Variants in TUBA1B observed in about 807,000 individuals in gnomAD.
TUBA1B encodes the protein tubulin alpha-1B chain.
In TUBA1B, 1 loss-of-function variant was observed where a neutral mutation model predicts 34.4. The ratio of observed to expected loss-of-function variants is 0.03; its 90% confidence interval spans 0.01 to 0.14. TUBA1B has a LOEUF of 0.14. TUBA1B is among the 10% of genes least tolerant of loss of function. TUBA1B has a pLI of 1.00. For missense variants in TUBA1B, 54 were observed against 583.6 expected, an observed-to-expected ratio of 0.09 and a Z score of 9.35; for synonymous variants, 197 against 212.5, an observed-to-expected ratio of 0.93 and a Z score of 0.64.
chr12:49,129,767 A>C, intron 1 of TUBA1B, 45 bp from the exon 2 acceptor site: 1 of 1,612,976 alleles, frequency 6.2e-7, no homozygotes, highest in Non-Finnish European at 8.5e-7. Context: ...CAATCTATTG[A>C]TGACTGTCAA....
At chr12:49,130,966 C>T (rs953903286) in intron 1 of TUBA1B, 1 of 268,908 alleles carries the variant, frequency 3.7e-6, no homozygotes, top group Non-Finnish European at 7.4e-6. Flanking sequence ...AGGGCATGCG[C>T]TGGAAAGGAC....
At chr12:49,131,208 C>T in intron 1 of TUBA1B, 90 bp downstream of exon 1, 1 of 1,514,984 alleles carries the variant, frequency 6.6e-7, no homozygotes, top group Non-Finnish European at 9.0e-7. Flanking sequence ...GAGGCCAGCC[C>T]TTCCCGGCTG....
In TUBA1B at chr12:49,131,363, C is replaced by T. The variant is rs1377694436; in HGVS notation, c.-63G>A. On this transcript the variant is annotated 5_prime_UTR_variant, in exon 1 of 4. Transcript: ENST00000336023. ...GACACCGGGTCCCGGTTACCGTCCC[C>T]GACAAGCTAAGAGTCGAGGTAAGTA... 5.0e-6 allele frequency: 8 copies of T among 1,595,162 alleles called. No individual in the cohort carries two copies. Among genetic ancestry groups the T allele is most frequent in the Non-Finnish European group, 6.8e-6 (8 of 1,168,752 alleles).
rs375929460 is a variant in TUBA1B at position 49,129,733 on chromosome 12, G to T, written c.4-11C>A. 2,077 of 1,594,814 alleles carry T rather than the reference G, an allele frequency of 1.3e-3. 5 individuals carry two copies. The highest frequency in any genetic ancestry group is 1.7e-3 in the Non-Finnish European group (1,980 of 1,171,866). On this transcript the variant is annotated splice_polypyrimidine_tract_variant and intron_variant, in intron 1 of 3. Transcript: ENST00000336023. Reference sequence around the variant, plus strand: ...GGAGATGCACTCACGCTGCGGGAAGGAAAAAAGATATCACAATTTAAACCA... The same window carrying T: ...GGAGATGCACTCACGCTGCGGGAAGTAAAAAAGATATCACAATTTAAACCA...
At position 49,127,811 on chromosome 12, in the gene TUBA1B, A is replaced by G; in HGVS notation, c.*147T>C. On this transcript the variant is annotated 3_prime_UTR_variant, in exon 4 of 4. Transcript: ENST00000336023. The stretch of plus-strand genomic sequence containing the variant: ...GATGTTAATGACTTTACTTTGAGAT[A>G]TGATGGAAAAATATTACAGGTACAC... 1 of 1,285,544 alleles carries G rather than the reference A, an allele frequency of 7.8e-7. No homozygotes were observed. Among genetic ancestry groups the G allele is most frequent in the Non-Finnish European group, 1.1e-6 (1 of 929,512 alleles). The allele number at this position is 1,285,544 out of a possible 1,614,324, so 79.6% of individuals were successfully genotyped here.
intron 1 of TUBA1B, chr12:49,130,630 G>A: frequency 2.9e-6 from 1 of 344,518 alleles, no homozygotes; most frequent in South Asian, 2.2e-5. Context: ...GAGACAGGTG[G>A]CCTCTACAGA....
intron 1 of TUBA1B, chr12:49,130,510 C>T (rs1941791136): frequency 2.4e-6 from 1 of 419,306 alleles, no homozygotes; most frequent in Non-Finnish European, 4.4e-6. Flanking sequence ...GCAGTCTGAG[C>T]GCAGTAGGAG....
In TUBA1B at chr12:49,131,351, G is replaced by C; in HGVS notation, c.-51C>G. The stretch of plus-strand genomic sequence containing the variant: ...GCGACAGGAGCAGACACCGGGTCCC[G>C]GTTACCGTCCCCGACAAGCTAAGAG... On this transcript the variant is annotated 5_prime_UTR_variant, in exon 1 of 4. Transcript: ENST00000336023. The C allele has an allele frequency of 2.5e-6, 4 of 1,605,308 alleles. No homozygotes were observed. The highest frequency in any genetic ancestry group is 3.4e-6 in the Non-Finnish European group (4 of 1,175,634).
intron 1 of TUBA1B, chr12:49,129,937 A>C: frequency 9.6e-7 from 1 of 1,038,250 alleles, no homozygotes; most frequent in African/African-American, 1.6e-5. Context: ...CAGACCACCA[A>C]GCTGGCTAAT....
At position 49,127,786 on chromosome 12, in the gene TUBA1B, G is replaced by A; in HGVS notation, c.*172C>T. 1 of 1,058,374 alleles carries A rather than the reference G, an allele frequency of 9.4e-7. No homozygotes were observed. Among genetic ancestry groups the A allele is most frequent in the Non-Finnish European group, 1.4e-6 (1 of 737,032 alleles). 65.6% of individuals were successfully genotyped at this position (1,058,374 alleles called of 1,614,324 possible). A position where few individuals can be genotyped will look rare whatever the true frequency, so the allele number is the denominator to read the frequency against. On this transcript the variant is annotated 3_prime_UTR_variant, in exon 4 of 4. Transcript: ENST00000336023. ...AAAAAACGCAGGAAACAAAGCTTTT[G>A]ATGTTAATGACTTTACTTTGAGATA...
intron 2 of TUBA1B, 26 bp from the exon 3 acceptor site, chr12:49,129,416 G>T (rs1170832374): frequency 6.2e-7 from 1 of 1,614,056 alleles, no homozygotes; most frequent in South Asian, 1.1e-5. Context: ...AAGGACGGAG[G>T]GAGTGAGTGA....
Position 49,131,097 on chromosome 12 carries a change from C to T in TUBA1B, c.3+201G>A, listed in dbSNP as rs1469721103. On this transcript the variant is annotated intron_variant, in intron 1 of 3. Transcript: ENST00000336023. ...AGAGTCCGAGAAGAAATCCTGGCGCCCCTCGACCTTTCCGGGCCCCCGCTA... is the reference window on the plus strand; with the variant it reads ...AGAGTCCGAGAAGAAATCCTGGCGCTCCTCGACCTTTCCGGGCCCCCGCTA... 8 of 567,784 alleles carry T rather than the reference C, an allele frequency of 1.4e-5. No homozygotes were observed. In the African/African-American group the frequency reaches 1.5e-4, roughly 11 times the overall value. 35.2% of individuals were successfully genotyped at this position (567,784 alleles called of 1,614,324 possible).
At chr12:49,129,954 AT>A in intron 1 of TUBA1B, 39 of 1,032,264 alleles carry the variant, frequency 3.8e-5, no homozygotes, top group Middle Eastern at 3.3e-4. Flanking sequence ...TAATTTTTTC[AT>A]TTTTTTTGTG....
intron 1 of TUBA1B, 174 bp from the exon 2 acceptor site, chr12:49,129,896 T>C: frequency 8.2e-7 from 1 of 1,221,724 alleles, no homozygotes; most frequent in Non-Finnish European, 1.1e-6. Flanking sequence ...TCCCCCCACC[T>C]CAGCCTCTGG....
At position 49,131,335 on chromosome 12, in the gene TUBA1B, G is replaced by A. The variant is rs762402414; in HGVS notation, c.-35C>T. On this transcript the variant is annotated 5_prime_UTR_variant, in exon 1 of 4. Transcript: ENST00000336023. ...GGATTAGGAGGCGAAGGCGACAGGA[G>A]CAGACACCGGGTCCCGGTTACCGTC... 2 of 1,610,010 alleles carry A rather than the reference G, an allele frequency of 1.2e-6. No homozygotes were observed. Among genetic ancestry groups the A allele is most frequent in the Non-Finnish European group, 1.7e-6 (2 of 1,178,302 alleles).
intron 1 of TUBA1B, chr12:49,130,215 T>G (rs527395351): frequency 7.8e-7 from 1 of 1,280,550 alleles, no homozygotes; most frequent in Non-Finnish European, 1.0e-6. Flanking sequence ...TGGGCATCCA[T>G]CCAGCGCTCA....
At chr12:49,131,076 T>C in intron 1 of TUBA1B, 2 of 520,640 alleles carry the variant, frequency 3.8e-6, no homozygotes, top group Non-Finnish European at 3.5e-6. Flanking sequence ...CCTTCCAGAG[T>C]CCGAGAAGAA....
rs770358089 is a variant in TUBA1B at position 49,129,237 on chromosome 12, C to T, written c.375+5G>A. ...ATTAAATGCATATTTATATGTGGTGCTTACCAGCTTGCGAATTCGGTCCAA... is the reference window on the plus strand; with the variant it reads ...ATTAAATGCATATTTATATGTGGTGTTTACCAGCTTGCGAATTCGGTCCAA... On this transcript the variant is annotated splice_donor_5th_base_variant and intron_variant, in intron 3 of 3. Transcript: ENST00000336023. 1 of 1,613,782 alleles carries T rather than the reference C, an allele frequency of 6.2e-7. No individual in the cohort carries two copies. Among genetic ancestry groups the T allele is most frequent in the Admixed American group, 1.7e-5 (1 of 60,020 alleles).
rs1489490667 is a variant in TUBA1B, at chr12:49,131,366, C to A, written c.-66G>T. 3.8e-6 allele frequency: 6 copies of A among 1,591,906 alleles called. No individual in the cohort carries two copies. In the Admixed American group the frequency reaches 1.0e-4, roughly 28 times the overall value. ...ACCGGGTCCCGGTTACCGTCCCCGACAAGCTAAGAGTCGAGGTAAGTAACG... is the reference window on the plus strand; with the variant it reads ...ACCGGGTCCCGGTTACCGTCCCCGAAAAGCTAAGAGTCGAGGTAAGTAACG... On this transcript the variant is annotated 5_prime_UTR_variant, in exon 1 of 4. Transcript: ENST00000336023.
Sources: gnomAD v4.1 joint callset for allele counts on GRCh38, gnomAD v4.1.1 for gene constraint, MANE v1.5 for transcripts, NCBI Gene and HGNC (gene_info 2026-07-23, HGNC 2026-07-21) for gene names.